Variants in TTLL3 observed in about 807,000 individuals in gnomAD.
TTLL3 encodes the protein tubulin monoglycylase TTLL3.
TTLL3 carries 63 observed loss-of-function variants against 75.2 expected under a neutral mutation model. The ratio of observed to expected loss-of-function variants is 0.84; its 90% CI spans 0.68 to 1.03. The LOEUF is 1.03. Ranked by LOEUF, TTLL3 falls within the 50% of genes least tolerant of loss-of-function variation. The pLI is 0.00. For synonymous variants in TTLL3, 393 were observed against 418.5 expected, an observed-to-expected ratio of 0.94 and a Z score of 0.74; for missense variants, 997 against 1,069.9, an observed-to-expected ratio of 0.93 and a Z score of 0.95.
At chr3:9,809,765 G>C (rs943458689), upstream of TTLL3, 9 of 364,248 alleles carry the variant, frequency 2.5e-5, no homozygotes, top group Admixed American at 4.7e-5. Flanking sequence ...AAGGGTCTGG[G>C]TGAGGCCCCA....
At position 9,810,518 on chromosome 3, in the gene TTLL3, A is replaced by G; in HGVS notation, c.-41-103A>G. On this transcript the variant is annotated intron_variant, in intron 1 of 13. Transcript: ENST00000685419. This position sits in a 1 kb window ranked among gnomAD's most constrained non-coding sequence, Gnocchi z 4.4. Reference sequence around the variant, plus strand: ...GGGTGGGCATCTGGATGAAGGCAGGAGGAAGAAAAGAGGCGTGGCTATGGG... The same window carrying G: ...GGGTGGGCATCTGGATGAAGGCAGGGGGAAGAAAAGAGGCGTGGCTATGGG... 1 of 1,471,372 alleles carries G rather than the reference A, an allele frequency of 6.8e-7. No individual in the cohort carries two copies. The highest frequency in any genetic ancestry group is 1.4e-5 in the South Asian group (1 of 71,694). 91.1% of individuals were successfully genotyped at this position (1,471,372 alleles called of 1,614,324 possible).
In TTLL3 at chr3:9,810,353, G is replaced by GC. The variant is rs1402925682; in HGVS notation, c.-77dup. 8.5e-6 allele frequency: 12 copies of GC among 1,409,238 alleles called. No individual in the cohort carries two copies. Among genetic ancestry groups the GC allele is most frequent in the South Asian group, 7.3e-5 (5 of 68,296 alleles). The allele number at this position is 1,409,238 out of a possible 1,614,324, so 87.3% of individuals were successfully genotyped here. On this transcript the variant is annotated 5_prime_UTR_variant, in exon 1 of 14. Transcript: ENST00000685419. The surrounding 1 kb of genome is among the most constrained non-coding windows in gnomAD (Gnocchi z 4.4). ...GGCGCCTCGGATACCCACCCCCTCG[G>GC]CCCCCCGCACACCCCGGTCCTCGAC...
At chr3:9,824,896 A>G (rs1348317236) in intron 8 of TTLL3, among the ~76,000 whole-genome samples, 1 of 151,700 alleles carries the variant, frequency 6.6e-6, no homozygotes, top group East Asian at 1.9e-4. Flanking sequence ...ACCTGCCACC[A>G]TGCCTGGCTA....
intron 9 of TTLL3, among the ~76,000 whole-genome samples, chr3:9,826,725 CAAAAAAA>C (rs36060940): frequency 2.7e-5 from 2 of 75,240 alleles, no homozygotes; most frequent in Admixed American, 1.6e-4. Context: ...AGGGCTGTCT[CAAAAAAA>C]AAAAAAAAAA....
intron 11 of TTLL3, 64 bp downstream of exon 11, chr3:9,829,459 G>T: frequency 1.3e-6 from 2 of 1,524,760 alleles, no homozygotes; most frequent in African/African-American, 2.8e-5. Context: ...CAGCCCTGCA[G>T]TGGAGCATAG....
intron 4 of TTLL3, 136 bp downstream of exon 4, chr3:9,813,481 C>A: frequency 9.7e-7 from 1 of 1,026,552 alleles, no homozygotes. Context: ...AAAACTGCTT[C>A]TTTAAAGGCT....
At chr3:9,822,976 T>C (rs73031004) in intron 8 of TTLL3, among the ~76,000 whole-genome samples, 36,933 of 150,806 alleles carry the variant, frequency 0.24, 4,878 homozygotes, top group East Asian at 0.56. Context: ...CTTGGGGCGG[T>C]GGCTTATGCC....
Position 9,810,395 on chromosome 3 carries a change from G to T in TTLL3, c.-42+1G>T. The T allele has an allele frequency of 7.1e-7, 1 of 1,415,148 alleles. No individual in the cohort carries two copies. Among genetic ancestry groups the T allele is most frequent in the Non-Finnish European group, 9.2e-7 (1 of 1,092,202 alleles). 87.7% of individuals were successfully genotyped at this position (1,415,148 alleles called of 1,614,324 possible). On this transcript the variant is annotated splice_donor_variant, in intron 1 of 13. Coordinates refer to ENST00000685419, the MANE Select transcript of TTLL3 (RefSeq NM_001387446.1). LOFTEE classifies it low-confidence loss of function (5UTR_SPLICE). The surrounding 1 kb of genome is among the most constrained non-coding windows in gnomAD (Gnocchi z 4.4). ...GTCCTCGACCCCTCTCCGCAGGATG[G>T]TGAGGCCCGTGCGGCCCGCTCGCTC...
intron 12 of TTLL3, among the ~76,000 whole-genome samples, chr3:9,833,902 G>A (rs1467875746): frequency 2.6e-5 from 4 of 151,938 alleles, no homozygotes; most frequent in Admixed American, 1.3e-4. Flanking sequence ...CTTGAGGTCA[G>A]GAGTTCGAGA....
intron 11 of TTLL3, 112 bp downstream of exon 11, chr3:9,829,507 A>G: frequency 1.4e-6 from 2 of 1,384,692 alleles, no homozygotes; most frequent in Non-Finnish European, 1.9e-6. Flanking sequence ...CCCAGATTCA[A>G]GTCCTGGTCC....
At chr3:9,825,289 G>A (rs898716616) in intron 8 of TTLL3, 3 of 172,454 alleles carry the variant, frequency 1.7e-5, no homozygotes, top group Non-Finnish European at 3.6e-5. Context: ...ACTGAGCCGT[G>A]ATTTCACCAC....
At chr3:9,816,523 C>CTTTTTTTTTCTTTT (rs1553713592) in intron 5 of TTLL3, among the ~76,000 whole-genome samples, 3 of 103,992 alleles carry the variant, frequency 2.9e-5, no homozygotes, top group African/African-American at 3.7e-5. Context: ...ACCTGGGTTT[C>CTTTTTTTTTCTTTT]TTTTTTTTTT....
chr3:9,818,378 T>G (rs1000075445), intron 6 of TTLL3: 1 of 163,888 alleles, frequency 6.1e-6, no homozygotes, highest in Non-Finnish European at 1.3e-5. Flanking sequence ...CAAGTTCTTT[T>G]TTTTTTTTGA....
At chr3:9,820,780 G>C (rs372339282) in intron 8 of TTLL3, 39 bp downstream of exon 8, 78 of 1,610,220 alleles carry the variant, frequency 4.8e-5, no homozygotes, top group Non-Finnish European at 6.4e-5. Context: ...CTGTGGGCAG[G>C]TGCTTAGGGA....
chr3:9,819,165 A>C, intron 7 of TTLL3: 2 of 535,564 alleles, frequency 3.7e-6, no homozygotes, highest in Non-Finnish European at 6.6e-6. Context: ...TCATCCTTCC[A>C]TCCTCCCACC....
Position 9,835,375 on chromosome 3 carries a change from A to C in TTLL3, c.2334A>C (p.Pro778=), listed in dbSNP as rs755953692. Residue 778 remains proline, a synonymous_variant, in exon 14 of 14, where the codon CCA becomes CCC. Coordinates refer to ENST00000685419, the MANE Select transcript of TTLL3 (RefSeq NM_001387446.1). ...LRFPTALVLD[P]TPNKKKQVKY... The stretch of plus-strand genomic sequence containing the variant: ...TCCCCACTGCCCTTGTCCTGGATCC[A>C]ACACCAAATAAAAAGAAACAAGTGA... 6.2e-7 allele frequency: 1 copy of C among 1,614,116 alleles called. No homozygotes were observed. The highest frequency in any genetic ancestry group is 1.1e-5 in the South Asian group (1 of 91,080).
intron 7 of TTLL3, 168 bp downstream of exon 7, chr3:9,819,088 C>T (rs563414159): frequency 1.2e-6 from 1 of 827,938 alleles, no homozygotes; most frequent in Admixed American, 2.4e-5. Flanking sequence ...ACCAGCCATC[C>T]ATCCACTCAT....
At position 9,810,347 on chromosome 3, in the gene TTLL3, C is replaced by T; in HGVS notation, c.-89C>T. ...GCCCAGGGCGCCTCGGATACCCACC[C>T]CCTCGGCCCCCCGCACACCCCGGTC... is the stretch of plus-strand genomic sequence containing the variant. On this transcript the variant is annotated 5_prime_UTR_variant, in exon 1 of 14. Coordinates refer to ENST00000685419, the MANE Select transcript of TTLL3 (RefSeq NM_001387446.1). The surrounding 1 kb of genome is among the most constrained non-coding windows in gnomAD (Gnocchi z 4.4). The T allele has an allele frequency of 7.0e-7, 1 of 1,425,226 alleles. No individual in the cohort carries two copies. The highest frequency in any genetic ancestry group is 3.0e-5 in the Admixed American group (1 of 33,656). 88.3% of individuals were successfully genotyped at this position (1,425,226 alleles called of 1,614,324 possible).
intron 7 of TTLL3, 188 bp downstream of exon 7, chr3:9,819,108 TATTCACCCACTCTCTGATCTACCG>T: frequency 1.4e-6 from 1 of 724,398 alleles, no homozygotes; most frequent in Non-Finnish European, 2.3e-6. Context: ...TCCACCCACG[TATTCACCCACTCTCTGATCTACCG>T]ATTCACCCAC....
Sources: gnomAD v4.1 joint callset for allele counts (sites outside exome capture counted in the v4.1 genomes callset) on GRCh38, gnomAD v4.1.1 for gene constraint, Gnocchi (gnomAD v3.1) non-coding constraint, MANE v1.5 for transcripts, NCBI Gene and HGNC (gene_info 2026-07-23, HGNC 2026-07-21) for gene names.